CENATAC: variants seen among roughly 807,000 people sequenced by gnomAD.
CENATAC encodes the protein centrosomal AT-AC splicing factor, also known as coiled-coil domain containing 84.
CENATAC carries 53 observed loss-of-function variants against 53.7 expected under a neutral mutation model. The ratio of observed to expected loss-of-function variants is 0.99; its 90% CI spans 0.79 to 1.24. The LOEUF is 1.24. CENATAC is among the 50% of genes most tolerant of loss of function. The pLI, the probability that CENATAC is intolerant of heterozygous loss-of-function variation, is 0.00. For missense variants in CENATAC, 474 were observed against 417.8 expected (o/e 1.13, Z -1.17); for synonymous variants, 156 against 144.6 (o/e 1.08, Z -0.57).
chr11:119,015,238 C>T, intron 9 of CENATAC, 69 bp from the exon 10 acceptor site: 2 of 1,512,290 alleles, frequency 1.3e-6, no homozygotes, highest in East Asian at 2.3e-5. Flanking sequence ...ACAGCCTGGA[C>T]AACATAGTGA....
intron 3 of CENATAC, among the ~76,000 whole-genome samples, chr11:119,000,437 C>CTT (rs138391837): frequency 9.1e-5 from 12 of 132,058 alleles, no homozygotes; most frequent in Non-Finnish European, 1.6e-4. Flanking sequence ...CATGAATTTC[C>CTT]TTTTTTTTTT....
chr11:119,011,444 G>A (rs1262130085), intron 5 of CENATAC, 161 bp downstream of exon 5: 3 of 581,504 alleles, frequency 5.2e-6, no homozygotes, highest in Non-Finnish European at 9.0e-6. Flanking sequence ...CACGATCTCG[G>A]CTCACTGCAA....
intron 3 of CENATAC, among the ~76,000 whole-genome samples, chr11:119,005,464 C>A (rs994784586): frequency 2.7e-4 from 39 of 147,134 alleles, no homozygotes; most frequent in African/African-American, 7.5e-4. Context: ...GAGACCCCGT[C>A]TCAAAAAAAA....
At chr11:119,011,336 C>T (rs782361818) in intron 5 of CENATAC, 53 bp downstream of exon 5, 11 of 1,534,478 alleles carry the variant, frequency 7.2e-6, no homozygotes, top group Admixed American at 1.7e-5. Context: ...TGATCCCTGG[C>T]ATTCCCAGGT....
At chr11:119,012,785 T>C (rs1942932829) in intron 7 of CENATAC, 1 of 165,920 alleles carries the variant, frequency 6.0e-6, no homozygotes, top group South Asian at 1.8e-4. Flanking sequence ...TAAAACCTGC[T>C]TTCCTTCCCT....
Position 119,012,136 on chromosome 11 carries a change from T to C in CENATAC, c.579-13T>C. On this transcript the variant is annotated splice_polypyrimidine_tract_variant and intron_variant, in intron 6 of 10. Transcript: ENST00000334418. ...CAAGGACCTCATCTGGCAGCCTGGCTCATGTTTTTCAGCCAAGTAGCTTCC... is the reference window on the plus strand; with the variant it reads ...CAAGGACCTCATCTGGCAGCCTGGCCCATGTTTTTCAGCCAAGTAGCTTCC... The C allele has an allele frequency of 1.2e-6, 2 of 1,614,170 alleles. No homozygotes were observed. Among genetic ancestry groups the C allele is most frequent in the Non-Finnish European group, 1.7e-6 (2 of 1,180,024 alleles).
rs1592080248 is a variant in CENATAC, at chr11:119,013,761, A to G, written c.715+499A>G. On this transcript the variant is annotated intron_variant, in intron 8 of 10. Transcript: ENST00000334418. ...TACAGGCATGAGCCACCGTGCCCGG[A>G]CTTTTTTTTTTTTTTTAAATAAAGT... Among the ~76,000 whole-genome samples the G allele has an allele frequency of 2.7e-5, 4 of 147,238 alleles. No homozygotes were observed. In the East Asian group the frequency reaches 7.9e-4, roughly 29 times the overall value.
intron 3 of CENATAC, among the ~76,000 whole-genome samples, chr11:119,000,287 C>T (rs1218640790): frequency 6.6e-6 from 1 of 152,134 alleles, no homozygotes; most frequent in Non-Finnish European, 1.5e-5. Context: ...TTCTTGAATC[C>T]TATTAGAAGC....
At position 118,998,202 on chromosome 11, in the gene CENATAC, C is replaced by T; in HGVS notation, c.5C>T (p.Ala2Val). The T allele has an allele frequency of 1.9e-6, 3 of 1,579,498 alleles. No individual in the cohort carries two copies. The highest frequency in any genetic ancestry group is 2.6e-6 in the Non-Finnish European group (3 of 1,164,368). Residue 2 changes from alanine to valine, a missense_variant, in exon 1 of 11, where the codon GCG becomes GTG. By Grantham distance (64) the Ala-to-Val change is moderately conservative. Transcript: ENST00000334418. M[A>V]PAQRCPLCRQ... ...GTGATACCGGGTACCCGGGCTATGG[C>T]GCCGGCGCAGCGCTGCCCTCTGTGC...
chr11:119,001,663 A>G, intron 3 of CENATAC: 1 of 456,132 alleles, frequency 2.2e-6, no homozygotes, highest in South Asian at 1.5e-5. Flanking sequence ...ATCTCCAAAA[A>G]AATTTTCAAG....
intron 3 of CENATAC, among the ~76,000 whole-genome samples, chr11:119,007,200 T>C (rs532869306): frequency 6.6e-6 from 1 of 152,270 alleles, no homozygotes; most frequent in East Asian, 1.9e-4. Flanking sequence ...GTTTCTTTTT[T>C]TTGGAGAGAG....
intron 3 of CENATAC, chr11:119,005,995 G>A (rs925113144): frequency 3.4e-5 from 5 of 145,354 alleles, no homozygotes; most frequent in African/African-American, 7.8e-5. Context: ...GGAGTGCAGC[G>A]GTACAATCAT....
chr11:119,004,128 G>A (rs1286207765), intron 3 of CENATAC, among the ~76,000 whole-genome samples: 1 of 152,132 alleles, frequency 6.6e-6, no homozygotes, highest in African/African-American at 2.4e-5. Flanking sequence ...TTTACTCAAA[G>A]GCATCATGAG....
rs782433116 is a variant in CENATAC, at chr11:119,013,197, TTAAC to T, written c.685-32_685-29del. The stretch of plus-strand genomic sequence containing the variant: ...TTTTTTTTTTAATCATGCCTAGACT[TTAAC>T]TAGCACTTTTTTTCCCATTTCCAAC... On this transcript the variant is annotated intron_variant, in intron 7 of 10. Transcript: ENST00000334418. 6.1e-5 allele frequency: 96 copies of T among 1,569,388 alleles called. No individual in the cohort carries two copies. The highest frequency in any genetic ancestry group is 1.4e-4 in the East Asian group (6 of 44,406).
chr11:118,998,168 C>G lies in CENATAC; in HGVS notation c.-30C>G. Reference sequence around the variant, plus strand: ...CCGCCGGATGGCGTAGGATCGGCCGCTGGTGGTGGTGATACCGGGTACCCG... The same window carrying G: ...CCGCCGGATGGCGTAGGATCGGCCGGTGGTGGTGGTGATACCGGGTACCCG... On this transcript the variant is annotated 5_prime_UTR_variant, in exon 1 of 11. Transcript: ENST00000334418. The G allele has an allele frequency of 6.4e-7, 1 of 1,565,222 alleles. No homozygotes were observed. Among genetic ancestry groups the G allele is most frequent in the Non-Finnish European group, 8.6e-7 (1 of 1,158,474 alleles).
chr11:119,012,189 C>A lies in CENATAC; in HGVS notation c.619C>A (p.Leu207Met). The A allele has an allele frequency of 6.2e-7, 1 of 1,614,170 alleles. No individual in the cohort carries two copies. The highest frequency in any genetic ancestry group is 8.5e-7 in the Non-Finnish European group (1 of 1,180,030). ...CTTACAGCAGCCCTCAAATTTGGAC[C>A]TGCCACCAGCTCCAGAGCTTGACTG... ...SSLQQPSNLD[L>M]PPAPELDWME... The change falls in exon 7 of 11, where the codon CTG (leucine) becomes ATG (methionine). Residue 207 changes from leucine to methionine, a missense_variant. By Grantham distance (15) the Leu-to-Met change is conservative (BLOSUM62 2). Coordinates refer to ENST00000334418, the MANE Select transcript of CENATAC (RefSeq NM_198489.3).
At position 119,015,098 on chromosome 11, in the gene CENATAC, T is replaced by G; in HGVS notation, c.805+15T>G. ...TCTTAAAGAAAGTAAGTAAACTAAT[T>G]CAAGAGAGGATCGTCTAAATCTTCA... On this transcript the variant is annotated intron_variant, in intron 9 of 10. Transcript: ENST00000334418. 6.3e-7 allele frequency: 1 copy of G among 1,579,984 alleles called. No homozygotes were observed. The highest frequency in any genetic ancestry group is 8.7e-7 in the Non-Finnish European group (1 of 1,154,492).
intron 4 of CENATAC, 90 bp downstream of exon 4, chr11:119,010,920 A>G: frequency 8.7e-7 from 1 of 1,150,504 alleles, no homozygotes; most frequent in Non-Finnish European, 1.3e-6. Context: ...CAGGCAGGGG[A>G]TGGTTTCAGA....
intron 3 of CENATAC, chr11:119,009,530 A>C (rs1942769948): frequency 6.6e-6 from 1 of 152,232 alleles, no homozygotes; most frequent in Non-Finnish European, 1.5e-5. Flanking sequence ...AGTTGATGAG[A>C]AACCATTTGA....
Sources: allele counts gnomAD v4.1 joint callset (sites outside exome capture counted in the v4.1 genomes callset), GRCh38; gene constraint gnomAD v4.1.1; transcripts MANE v1.5; gene names NCBI Gene and HGNC (gene_info 2026-07-23, HGNC 2026-07-21).